Variants in CPED1 observed in about 807,000 individuals in gnomAD.
The protein encoded by CPED1 is cadherin like and PC-esterase domain containing 1.
A neutral mutation model predicts 128.2 loss-of-function variants in CPED1; 114 were observed. That is an observed-to-expected ratio of 0.89 (90% CI 0.76 to 1.04). The LOEUF is 1.04. Ranked by LOEUF, CPED1 falls within the 50% of genes least tolerant of loss-of-function variation. The probability of loss-of-function intolerance (pLI) is 0.00; values close to 1 mark genes in which losing one functional copy is unlikely to be tolerated. For missense variants in CPED1, 1,211 were observed against 1,207.1 expected (o/e 1.00, Z -0.05); for synonymous variants, 462 against 426.7 (o/e 1.08, Z -1.02).
chr7:121,126,757 G>A (rs112416807), intron 9 of CPED1, among the ~76,000 whole-genome samples: 53 of 151,986 alleles, frequency 3.5e-4, no homozygotes, highest in African/African-American at 1.2e-3. Flanking sequence ...CTAATAGTTT[G>A]TATTATGCTT....
chr7:121,048,518 GT>G (rs151168394), intron 4 of CPED1, among the ~76,000 whole-genome samples: 3 of 150,842 alleles, frequency 2.0e-5, no homozygotes, highest in Admixed American at 6.6e-5. Flanking sequence ...ACCTCTTAAC[GT>G]TTTTTTTTCT....
intron 3 of CPED1, among the ~76,000 whole-genome samples, chr7:121,017,443 G>GA (rs1792331111): frequency 1.3e-5 from 2 of 151,978 alleles, no homozygotes; most frequent in African/African-American, 2.4e-5. Context: ...TTAGTATAAA[G>GA]AAAAAAATAT....
intron 3 of CPED1, among the ~76,000 whole-genome samples, chr7:121,033,584 A>G (rs1343391688): frequency 6.6e-6 from 1 of 152,168 alleles, no homozygotes. Context: ...TTTATGCCTT[A>G]TATCCTCTAT....
intron 7 of CPED1, among the ~76,000 whole-genome samples, chr7:121,104,953 G>A (rs539044281): frequency 6.6e-6 from 1 of 152,052 alleles, no homozygotes; most frequent in East Asian, 1.9e-4. Flanking sequence ...CTGAATTTCT[G>A]GATAAGGGCC....
intron 7 of CPED1, among the ~76,000 whole-genome samples, chr7:121,120,993 A>AC (rs1289974538): frequency 1.3e-5 from 2 of 149,988 alleles, no homozygotes; most frequent in South Asian, 2.1e-4. Flanking sequence ...AAAAACAAAA[A>AC]AACTCACAGT....
At chr7:121,207,678 G>A (rs1797551214) in intron 16 of CPED1, among the ~76,000 whole-genome samples, 1 of 152,030 alleles carries the variant, frequency 6.6e-6, no homozygotes, top group Non-Finnish European at 1.5e-5. Flanking sequence ...TTATTCAGCA[G>A]ATGCTATTGT....
intron 7 of CPED1, among the ~76,000 whole-genome samples, chr7:121,110,718 C>T (rs377399836): frequency 6.6e-6 from 1 of 152,100 alleles, no homozygotes; most frequent in African/African-American, 2.4e-5. Context: ...TCCCTATGGG[C>T]AAAGGGATGC....
chr7:121,129,694 C>CCCT (rs1795614966), intron 11 of CPED1, among the ~76,000 whole-genome samples: 1 of 151,764 alleles, frequency 6.6e-6, no homozygotes, highest in Non-Finnish European at 1.5e-5. Flanking sequence ...ATTCCAATTT[C>CCCT]CTGGTTCTCA....
At chr7:121,091,816 G>C (rs6961525) in intron 5 of CPED1, among the ~76,000 whole-genome samples, 45,879 of 151,948 alleles carry the variant, frequency 0.3, 7,269 homozygotes, top group Middle Eastern at 0.39. Flanking sequence ...ACAGAAATTC[G>C]TGTTTTTAAA....
At chr7:121,025,481 G>A (rs577605983) in intron 3 of CPED1, among the ~76,000 whole-genome samples, 1 of 152,270 alleles carries the variant, frequency 6.6e-6, no homozygotes, top group South Asian at 2.1e-4. Flanking sequence ...AAGCATTGAT[G>A]TGAATTCACT....
At chr7:121,020,321 G>C (rs1792407668) in intron 3 of CPED1, among the ~76,000 whole-genome samples, 1 of 151,892 alleles carries the variant, frequency 6.6e-6, no homozygotes, top group South Asian at 2.1e-4. Flanking sequence ...GCTAAATCTG[G>C]CCCACCGCCT....
chr7:121,284,532 C>T (rs1308833507), intron 22 of CPED1, among the ~76,000 whole-genome samples: 2 of 152,140 alleles, frequency 1.3e-5, no homozygotes, highest in African/African-American at 4.8e-5. Flanking sequence ...AAACCAAAAG[C>T]AAGTTAGTTA....
At chr7:121,047,964 C>T (rs1250246741) in intron 4 of CPED1, among the ~76,000 whole-genome samples, 3 of 152,182 alleles carry the variant, frequency 2.0e-5, no homozygotes, top group African/African-American at 7.2e-5. Context: ...CTTCGGCCTC[C>T]CAAACTGCTG....
chr7:121,067,024 G>C (rs1793845460), intron 5 of CPED1, among the ~76,000 whole-genome samples: 2 of 152,020 alleles, frequency 1.3e-5, no homozygotes, highest in Admixed American at 6.6e-5. Flanking sequence ...TGAGGAACTT[G>C]AGCACCCATG....
At chr7:121,064,503 G>T (rs192973744) in intron 5 of CPED1, among the ~76,000 whole-genome samples, 190 bp downstream of exon 5, 1 of 152,142 alleles carries the variant, frequency 6.6e-6, no homozygotes, top group South Asian at 2.1e-4. Context: ...CAACCGTAAC[G>T]TAACACTGGT....
intron 7 of CPED1, among the ~76,000 whole-genome samples, chr7:121,107,773 G>T (rs746322153): frequency 1.2e-4 from 18 of 152,052 alleles, no homozygotes; most frequent in Admixed American, 2.0e-4. Context: ...CTTATTAAAT[G>T]TATATCATTT....
At chr7:121,084,356 TTATAA>T (rs1328236025) in intron 5 of CPED1, among the ~76,000 whole-genome samples, 1 of 152,192 alleles carries the variant, frequency 6.6e-6, no homozygotes, top group Non-Finnish European at 1.5e-5. Context: ...TGAAAGTAAT[TTATAA>T]TATAACAACA....
At chr7:121,071,318 T>G (rs542181747) in intron 5 of CPED1, among the ~76,000 whole-genome samples, 81 of 152,230 alleles carry the variant, frequency 5.3e-4, no homozygotes, top group African/African-American at 1.9e-3. Flanking sequence ...TCCCACTTCC[T>G]CATTCACATG....
intron 16 of CPED1, among the ~76,000 whole-genome samples, chr7:121,151,822 G>A (rs1238254803): frequency 6.6e-6 from 1 of 152,016 alleles, no homozygotes; most frequent in Non-Finnish European, 1.5e-5. Flanking sequence ...AGAAAGGTTG[G>A]CCCAATGTTT....
Sources: gnomAD v4.1 joint callset for allele counts (sites outside exome capture counted in the v4.1 genomes callset) on GRCh38, gnomAD v4.1.1 for gene constraint, MANE v1.5 for transcripts, NCBI Gene and HGNC (gene_info 2026-07-23, HGNC 2026-07-21) for gene names.